Variants in TSPAN9 observed in about 807,000 individuals in gnomAD.
The protein encoded by TSPAN9 is tetraspanin-9.
A neutral mutation model predicts 31.0 loss-of-function variants in TSPAN9; 16 were observed. The observed-to-expected ratio is 0.52, with a 90% CI of 0.35 to 0.78. The LOEUF (loss-of-function observed/expected upper bound fraction) is 0.78, where lower values mean the gene tolerates loss of function less well. Ranked by LOEUF, TSPAN9 falls within the 30% of genes least tolerant of loss-of-function variation. The pLI, the probability that TSPAN9 is intolerant of heterozygous loss-of-function variation, is 0.01. For missense variants in TSPAN9, 272 were observed against 312.5 expected (o/e 0.87, Z 0.98); for synonymous variants, 145 against 121.6 (o/e 1.19, Z -1.27).
chr12:3,146,026 G>T (rs185198114), intron 2 of TSPAN9, among the ~76,000 whole-genome samples: 1 of 152,234 alleles, frequency 6.6e-6, no homozygotes, highest in African/African-American at 2.4e-5. Context: ...CGAGGCTCCC[G>T]CAGGCACAGG....
intron 3 of TSPAN9, among the ~76,000 whole-genome samples, chr12:3,258,574 A>G (rs960369350): frequency 6.6e-6 from 1 of 151,644 alleles, no homozygotes; most frequent in African/African-American, 2.4e-5. Flanking sequence ...TGAGACCACA[A>G]TGTCAGGCAA....
In TSPAN9 at chr12:3,285,189, A is replaced by G. The variant is rs976346724; in HGVS notation, c.*2073A>G. The stretch of plus-strand genomic sequence containing the variant: ...CCAAAGTGCAGATTCCGGAGCAGAC[A>G]CATCCGGGCGGAGAGACTCAGCAGA... On this transcript the variant is annotated 3_prime_UTR_variant, in exon 9 of 9. Transcript: ENST00000011898. 7.8e-5 allele frequency: 11 copies of G among 140,280 alleles called. No individual in the cohort carries two copies. Among genetic ancestry groups the G allele is most frequent in the African/African-American group, 1.8e-4 (7 of 37,934 alleles). The allele number at this position is 140,280 out of a possible 1,614,324, so 8.7% of individuals were successfully genotyped here. A position where few individuals can be genotyped will look rare whatever the true frequency, so the allele number is the denominator to read the frequency against.
At chr12:3,222,450 G>A (rs929773774) in intron 3 of TSPAN9, among the ~76,000 whole-genome samples, 19 of 152,168 alleles carry the variant, frequency 1.2e-4, no homozygotes, top group African/African-American at 4.6e-4. Context: ...GTCTCCAGGC[G>A]TAAGACCTTC....
intron 2 of TSPAN9, among the ~76,000 whole-genome samples, chr12:3,117,194 G>A (rs1349230428): frequency 2.6e-5 from 4 of 152,124 alleles, no homozygotes; most frequent in Admixed American, 6.5e-5. Flanking sequence ...ACGGTTCCTC[G>A]TCATCCAGGT....
chr12:3,272,846 C>T (rs551545823), intron 3 of TSPAN9: 6 of 152,352 alleles, frequency 3.9e-5, no homozygotes, highest in East Asian at 1.9e-4. Context: ...CGTAACGACA[C>T]GTGGCAGAAG....
intron 2 of TSPAN9, among the ~76,000 whole-genome samples, chr12:3,166,231 CTTTAA>C (rs758752977): frequency 2.4e-4 from 37 of 152,312 alleles, no homozygotes; most frequent in African/African-American, 3.4e-4. Flanking sequence ...TTTTCATTAA[CTTTAA>C]TTTAATAGAC....
rs1479910028 is a variant in TSPAN9 at position 3,174,501 on chromosome 12, CTG to C, written c.-17-26672_-17-26671del. Among the ~76,000 whole-genome samples the C allele has an allele frequency of 2.0e-5, 3 of 152,336 alleles. No individual in the cohort carries two copies. In the East Asian group the frequency reaches 5.8e-4, roughly 29 times the overall value. ...CATTTCCAGGAGCCTGTGTGTTCTG[CTG>C]TGTTTGGGGCCAGGGGCTTCTTCTT... On this transcript the variant is annotated intron_variant, in intron 2 of 8. Coordinates refer to ENST00000011898, the MANE Select transcript of TSPAN9 (RefSeq NM_006675.5).
intron 3 of TSPAN9, among the ~76,000 whole-genome samples, chr12:3,217,437 T>C (rs577652851): frequency 6.6e-6 from 1 of 152,318 alleles, no homozygotes; most frequent in South Asian, 2.1e-4. Context: ...TGAGCCATCC[T>C]GCCCAGTGTT....
At chr12:3,225,576 A>G (rs2098386770) in intron 3 of TSPAN9, among the ~76,000 whole-genome samples, 2 of 151,648 alleles carry the variant, frequency 1.3e-5, no homozygotes, top group South Asian at 2.1e-4. Flanking sequence ...GGGATGGGGG[A>G]CCGTTGTTGC....
intron 3 of TSPAN9, chr12:3,211,675 C>T: frequency 2.6e-6 from 4 of 1,549,846 alleles, no homozygotes; most frequent in South Asian, 1.1e-5. Context: ...AGTGCTGCTT[C>T]CTCCTGAAGG....
chr12:3,174,795 G>A (rs1030510956), intron 2 of TSPAN9, among the ~76,000 whole-genome samples: 6 of 149,296 alleles, frequency 4.0e-5, no homozygotes, highest in Admixed American at 1.3e-4. Flanking sequence ...TGTTAGCCAG[G>A]ATGGTCTCGA....
intron 2 of TSPAN9, among the ~76,000 whole-genome samples, chr12:3,116,320 G>T (rs2098322404): frequency 6.6e-6 from 1 of 152,296 alleles, no homozygotes; most frequent in South Asian, 2.1e-4. Context: ...AGCAAGCTGC[G>T]AATCCTCTCT....
intron 3 of TSPAN9, among the ~76,000 whole-genome samples, chr12:3,256,035 A>G (rs981459198): frequency 1.3e-5 from 2 of 152,102 alleles, no homozygotes; most frequent in Non-Finnish European, 2.9e-5. Context: ...CAGTAGGTGG[A>G]GGTACCTCCT....
At chr12:3,134,803 G>C (rs1245916701) in intron 2 of TSPAN9, among the ~76,000 whole-genome samples, 1 of 152,200 alleles carries the variant, frequency 6.6e-6, no homozygotes, top group African/African-American at 2.4e-5. Context: ...GCTGGGGAAG[G>C]TGGACGTATA....
intron 2 of TSPAN9, among the ~76,000 whole-genome samples, chr12:3,100,930 A>T (rs899877792): frequency 5.3e-5 from 8 of 152,250 alleles, no homozygotes; most frequent in Admixed American, 5.2e-4. Context: ...TAAATGGAAG[A>T]CAATATAAGT....
At chr12:3,263,786 A>T (rs1442061973) in intron 3 of TSPAN9, among the ~76,000 whole-genome samples, 1 of 152,010 alleles carries the variant, frequency 6.6e-6, no homozygotes, top group Non-Finnish European at 1.5e-5. Flanking sequence ...GCCACTGCAG[A>T]GTGTTGGGGG....
chr12:3,123,747 T>C (rs1308347166), intron 2 of TSPAN9, among the ~76,000 whole-genome samples: 1 of 152,158 alleles, frequency 6.6e-6, no homozygotes, highest in East Asian at 1.9e-4. Context: ...GGGAGAGGGA[T>C]GGTTACTCCC....
At chr12:3,281,448 G>A (rs979503626) in intron 7 of TSPAN9, 119 bp downstream of exon 7, 65 of 1,404,362 alleles carry the variant, frequency 4.6e-5, no homozygotes, top group Non-Finnish European at 5.7e-5. Context: ...TGTGGCGGTG[G>A]GGGGCTCACA....
At chr12:3,077,745 C>A (rs902524359) in intron 1 of TSPAN9, among the ~76,000 whole-genome samples, 3 of 152,128 alleles carry the variant, frequency 2.0e-5, no homozygotes, top group African/African-American at 7.2e-5. Flanking sequence ...AAGACCGTTT[C>A]AGAAAGGGAG....
Sources: allele counts gnomAD v4.1 joint callset (sites outside exome capture counted in the v4.1 genomes callset), GRCh38; gene constraint gnomAD v4.1.1; transcripts MANE v1.5; gene names NCBI Gene and HGNC (gene_info 2026-07-23, HGNC 2026-07-21).